DOK6: variants seen among roughly 807,000 people sequenced by gnomAD.
DOK6 encodes the protein docking protein 6.
In DOK6, 22 loss-of-function variants were observed where a neutral mutation model predicts 44.0. That is an observed-to-expected ratio of 0.50 (90% confidence interval 0.36 to 0.71). DOK6 has a LOEUF of 0.71. Among genes scored for constraint, DOK6 ranks in the 30% least tolerant of loss-of-function variants. The probability of loss-of-function intolerance (pLI) is 0.00; values close to 1 mark genes in which losing one functional copy is unlikely to be tolerated. For synonymous variants in DOK6, 166 were observed against 145.5 expected, an observed-to-expected ratio of 1.14 and a Z score of -1.01; for missense variants, 340 against 416.4, an observed-to-expected ratio of 0.82 and a Z score of 1.60.
intron 7 of DOK6, among the ~76,000 whole-genome samples, chr18:69,767,381 A>G (rs1372358399): frequency 6.6e-6 from 1 of 152,192 alleles, no homozygotes; most frequent in Non-Finnish European, 1.5e-5. Context: ...TTTTCTTCTC[A>G]TCAGTGAGTA....
intron 1 of DOK6, among the ~76,000 whole-genome samples, chr18:69,475,736 T>C (rs1276465088): frequency 6.6e-6 from 1 of 152,200 alleles, no homozygotes; most frequent in African/African-American, 2.4e-5. Context: ...TCAGCTCTTC[T>C]AGTAAACATG....
chr18:69,469,946 C>G (rs1980047364), intron 1 of DOK6: 2 of 201,688 alleles, frequency 9.9e-6, no homozygotes, highest in Non-Finnish European at 2.1e-5. Context: ...CTTATCTCAT[C>G]GTGGCCTACT....
chr18:69,411,219 A>C (rs1978304590), intron 1 of DOK6, among the ~76,000 whole-genome samples: 1 of 152,204 alleles, frequency 6.6e-6, no homozygotes, highest in Non-Finnish European at 1.5e-5. Flanking sequence ...ATATGTGTCT[A>C]GATGAGATGA....
At chr18:69,804,483 C>G (rs559324164) in intron 7 of DOK6, among the ~76,000 whole-genome samples, 7 of 152,096 alleles carry the variant, frequency 4.6e-5, no homozygotes, top group Non-Finnish European at 8.8e-5. Flanking sequence ...TTCCTTTTAA[C>G]TCTGATTTCA....
chr18:69,463,737 A>T (rs1979851134), intron 1 of DOK6, among the ~76,000 whole-genome samples: 1 of 151,534 alleles, frequency 6.6e-6, no homozygotes, highest in African/African-American at 2.4e-5. Context: ...ATGCATATGT[A>T]TGTAAATGCA....
intron 1 of DOK6, among the ~76,000 whole-genome samples, chr18:69,405,776 A>G (rs2122381437): frequency 6.6e-6 from 1 of 152,332 alleles, no homozygotes. Context: ...ATTAGATGCA[A>G]TAAATATATT....
At chr18:69,658,154 A>G (rs1985417346) in intron 3 of DOK6, among the ~76,000 whole-genome samples, 1 of 151,546 alleles carries the variant, frequency 6.6e-6, no homozygotes, top group African/African-American at 2.4e-5. Context: ...GTTTTGCTAT[A>G]TTGACCAGGC....
At position 69,612,456 on chromosome 18, in the gene DOK6, A is replaced by AGGGCGCATGTGTGCGAGGGCGCATGTGT. The variant is rs376765699; in HGVS notation, c.289+12959_289+12960insGGCGCATGTGTGCGAGGGCGCATGTGTG. The stretch of plus-strand genomic sequence containing the variant: ...ATGTGTGCGAGGGCGCATGTGTGCG[A>AGGGCGCATGTGTGCGAGGGCGCATGTGT]GCGTGCATATGTATTTCTTGCTCTT... On this transcript the variant is annotated intron_variant, in intron 3 of 7. Coordinates refer to ENST00000382713, the MANE Select transcript of DOK6 (RefSeq NM_152721.6). Among the ~76,000 whole-genome samples, 8 of 146,704 alleles carry AGGGCGCATGTGTGCGAGGGCGCATGTGT rather than the reference A, an allele frequency of 5.5e-5. 2 individuals carry two copies. The highest frequency in any genetic ancestry group is 1.8e-4 in the African/African-American group (7 of 39,622).
At chr18:69,679,184 A>G (rs1985991397) in intron 4 of DOK6, among the ~76,000 whole-genome samples, 1 of 152,184 alleles carries the variant, frequency 6.6e-6, no homozygotes, top group Non-Finnish European at 1.5e-5. Flanking sequence ...TCAAAAAAAG[A>G]AAAAAGAAAG....
intron 1 of DOK6, among the ~76,000 whole-genome samples, chr18:69,432,569 G>T (rs746764651): frequency 6.6e-6 from 1 of 152,194 alleles, no homozygotes; most frequent in African/African-American, 2.4e-5. Flanking sequence ...GCTATTTTGA[G>T]AGAAGAGAGG....
intron 7 of DOK6, among the ~76,000 whole-genome samples, chr18:69,805,086 A>G (rs2575179): frequency 0.8 from 122,205 of 152,068 alleles, 49,563 homozygotes; most frequent in Non-Finnish European, 0.85. Flanking sequence ...GGAGGCTTAC[A>G]AAGGAGAGAT....
chr18:69,609,105 A>T (rs1170888249), intron 3 of DOK6, among the ~76,000 whole-genome samples: 3 of 152,192 alleles, frequency 2.0e-5, no homozygotes, highest in African/African-American at 7.2e-5. Flanking sequence ...AAATGATTTC[A>T]TGGCTACAAC....
At chr18:69,697,916 C>G (rs34621148) in intron 4 of DOK6, among the ~76,000 whole-genome samples, 48,267 of 152,076 alleles carry the variant, frequency 0.32, 8,258 homozygotes, top group African/African-American at 0.45. Flanking sequence ...AATGATTTTT[C>G]CAGTGCTTAA....
chr18:69,572,229 A>G (rs905021420), intron 2 of DOK6, among the ~76,000 whole-genome samples: 4 of 152,078 alleles, frequency 2.6e-5, no homozygotes, highest in Non-Finnish European at 4.4e-5. Context: ...CAAATTTTGG[A>G]TATGGTGTGT....
intron 1 of DOK6, among the ~76,000 whole-genome samples, chr18:69,427,142 A>C (rs1389399321): frequency 6.6e-6 from 1 of 152,116 alleles, no homozygotes; most frequent in African/African-American, 2.4e-5. Context: ...CATGGCCTCC[A>C]GCTCCATCCA....
chr18:69,694,275 T>C (rs1986343768), intron 4 of DOK6, among the ~76,000 whole-genome samples: 1 of 151,540 alleles, frequency 6.6e-6, no homozygotes, highest in Non-Finnish European at 1.5e-5. Context: ...TAGCCCTGTC[T>C]AGACTCTCGT....
At chr18:69,736,694 C>A (rs761707836) in intron 5 of DOK6, among the ~76,000 whole-genome samples, 11 of 152,130 alleles carry the variant, frequency 7.2e-5, no homozygotes, top group Non-Finnish European at 1.5e-4. Flanking sequence ...GGAAATAATT[C>A]TTTGGGTTCA....
chr18:69,803,540 G>A (rs1391441285), intron 7 of DOK6, among the ~76,000 whole-genome samples: 6 of 152,116 alleles, frequency 3.9e-5, no homozygotes, highest in Admixed American at 3.9e-4. Context: ...AAATTCCAAA[G>A]GGAAGATTTA....
chr18:69,522,433 T>C (rs1981713308), intron 1 of DOK6, among the ~76,000 whole-genome samples: 2 of 151,990 alleles, frequency 1.3e-5, no homozygotes, highest in South Asian at 4.1e-4. Context: ...ACAAAGTACA[T>C]TCAGAGTGTA....
Sources: gnomAD v4.1 joint callset for allele counts (sites outside exome capture counted in the v4.1 genomes callset) on GRCh38, gnomAD v4.1.1 for gene constraint, MANE v1.5 for transcripts, NCBI Gene and HGNC (gene_info 2026-07-23, HGNC 2026-07-21) for gene names.